The following NTRK1 variants were observed in gnomAD, a reference collection of about 807,000 sequenced individuals.
The protein encoded by NTRK1 is neurotrophic receptor tyrosine kinase 1.
A neutral mutation model predicts 86.8 loss-of-function variants in NTRK1; 62 were observed. The observed-to-expected ratio is 0.71, with a 90% confidence interval of 0.58 to 0.88. The LOEUF is 0.88. Ranked by LOEUF, NTRK1 falls within the 40% of genes least tolerant of loss-of-function variation. The probability of loss-of-function intolerance (pLI) is 0.00; values close to 1 mark genes in which losing one functional copy is unlikely to be tolerated. For missense variants in NTRK1, 967 were observed against 1,078.4 expected, an observed-to-expected ratio of 0.90 and a Z score of 1.45; for synonymous variants, 469 against 456.6, an observed-to-expected ratio of 1.03 and a Z score of -0.35.
intron 1 of NTRK1, among the ~76,000 whole-genome samples, chr1:156,831,823 C>T (rs1321130981): frequency 6.6e-6 from 1 of 152,162 alleles, no homozygotes; most frequent in African/African-American, 2.4e-5. Flanking sequence ...AACTAGAGGG[C>T]TAGAAGGGAT....
At chr1:156,845,138 T>C in intron 2 of NTRK1, 1 of 1,612,056 alleles carries the variant, frequency 6.2e-7, no homozygotes. Context: ...GTGCGCCGCG[T>C]GGTTGCAGGC....
At chr1:156,875,312 T>A (rs544714336) in intron 11 of NTRK1, among the ~76,000 whole-genome samples, 2 of 151,970 alleles carry the variant, frequency 1.3e-5, no homozygotes, top group South Asian at 4.2e-4. Flanking sequence ...GGGGAGTTCT[T>A]TGGTGCCCAT....
In NTRK1 at chr1:156,873,897, C is replaced by T. The variant is rs2102906175; in HGVS notation, c.1115C>T (p.Ala372Val). The T allele has an allele frequency of 6.3e-7, 1 of 1,576,768 alleles. No homozygotes were observed. Among genetic ancestry groups the T allele is most frequent in the Non-Finnish European group, 8.6e-7 (1 of 1,160,394 alleles). The change falls in exon 8 of 17, where the codon GCC (alanine) becomes GTC (valine). Residue 372 changes from alanine to valine, a missense_variant. Around this residue, in one of 2 missense-constraint regions of NTRK1, gnomAD observed 637 missense variants for 776.5 expected, o/e 0.82. Coordinates refer to ENST00000524377, the MANE Select transcript of NTRK1 (RefSeq NM_002529.4). ...GCCAACCCCTTCGGCCAGGCCTCCGCCTCCATCATGGCTGCCTTCATGGAC... is the reference window on the plus strand; with the variant it reads ...GCCAACCCCTTCGGCCAGGCCTCCGTCTCCATCATGGCTGCCTTCATGGAC... ...LAANPFGQAS[A>V]SIMAAFMDNP... is the part of the protein sequence containing the mutation.
intron 12 of NTRK1, 122 bp from the exon 13 acceptor site, chr1:156,875,958 C>A (rs1024627856): frequency 6.8e-7 from 1 of 1,460,266 alleles, no homozygotes; most frequent in Non-Finnish European, 9.6e-7. Context: ...TGAATTTTAG[C>A]CCCCATGCAG....
chr1:156,842,471 G>GT, intron 2 of NTRK1: 1 of 1,614,122 alleles, frequency 6.2e-7, no homozygotes. Flanking sequence ...GATGACCAGA[G>GT]TTGGCTGGCC....
At chr1:156,826,245 G>A (rs982228392) in intron 1 of NTRK1, among the ~76,000 whole-genome samples, 1 of 138,384 alleles carries the variant, frequency 7.2e-6, no homozygotes, top group Non-Finnish European at 1.6e-5. Flanking sequence ...TTGGTTTGTT[G>A]TTTTAAGAGC....
intron 15 of NTRK1, 99 bp downstream of exon 15, chr1:156,879,461 A>G: frequency 1.4e-6 from 2 of 1,465,244 alleles, no homozygotes; most frequent in Non-Finnish European, 1.8e-6. Context: ...GGATGGCTGC[A>G]TGGGTCTGAG....
chr1:156,875,362 G>A (rs899568029), intron 11 of NTRK1, among the ~76,000 whole-genome samples, 158 bp from the exon 12 acceptor site: 6 of 152,050 alleles, frequency 3.9e-5, no homozygotes, highest in Non-Finnish European at 8.8e-5. Context: ...AGGGAGAGGC[G>A]GTGGTGCCCC....
In NTRK1 at chr1:156,841,150, C is replaced by G. The variant is rs1276805534; in HGVS notation, c.-63-931C>G. Reference sequence around the variant, plus strand: ...GGTCAGAGGCATCCGGGAGCCCCTGCCACGCTCTCAGCCTCCTGCACTGAG... The same window carrying G: ...GGTCAGAGGCATCCGGGAGCCCCTGGCACGCTCTCAGCCTCCTGCACTGAG... On this transcript the variant is annotated intron_variant, in intron 1 of 16. Transcript: ENST00000392302. 4 of 1,427,332 alleles carry G rather than the reference C, an allele frequency of 2.8e-6. No individual in the cohort carries two copies. In the East Asian group the frequency reaches 9.9e-5, roughly 35 times the overall value. 88.4% of individuals were successfully genotyped at this position (1,427,332 alleles called of 1,614,324 possible).
chr1:156,850,298 G>A (rs1655156271), intron 2 of NTRK1, among the ~76,000 whole-genome samples: 1 of 152,102 alleles, frequency 6.6e-6, no homozygotes, highest in Admixed American at 6.5e-5. Context: ...TGTAACCCCT[G>A]TCTCCCAGGT....
At chr1:156,825,522 G>C (rs935266581) in intron 1 of NTRK1, among the ~76,000 whole-genome samples, 1 of 152,170 alleles carries the variant, frequency 6.6e-6, no homozygotes, top group African/African-American at 2.4e-5. Context: ...TCTGCTTTCA[G>C]GGAACAAAAC....
At chr1:156,846,648 T>A (rs1571663022) in intron 2 of NTRK1, 1 of 1,614,114 alleles carries the variant, frequency 6.2e-7, no homozygotes, top group Non-Finnish European at 8.5e-7. Flanking sequence ...GAGGCTAGGG[T>A]CACCCCTGGC....
intron 16 of NTRK1, 38 bp downstream of exon 16, chr1:156,880,195 C>T (rs200468347): frequency 1.8e-4 from 290 of 1,607,196 alleles, no homozygotes; most frequent in Non-Finnish European, 2.3e-4. Context: ...GCTGGCCTCC[C>T]CGTCCCATGC....
chr1:156,816,727 G>A (rs1279086246), intron 1 of NTRK1: 2 of 1,591,504 alleles, frequency 1.3e-6, no homozygotes, highest in East Asian at 2.3e-5. Context: ...CCTCACAAGG[G>A]ATCCCAGAGC....
In NTRK1 at chr1:156,871,587, G is replaced by T. The variant is rs192738567; in HGVS notation, c.718-36G>T. ...CAGCCCCAGCCCCAAGCTGGCTAAA[G>T]CTCCTTCTTATTCCCCCCTCTCTTT... On this transcript the variant is annotated intron_variant, in intron 6 of 16. Coordinates refer to ENST00000524377, the MANE Select transcript of NTRK1 (RefSeq NM_002529.4). The T allele has an allele frequency of 9.7e-5, 157 of 1,613,488 alleles. 1 individual carries two copies. The East Asian group carries it at 3.5e-3, about 36-fold the overall frequency.
At position 156,841,154 on chromosome 1, in the gene NTRK1, G is replaced by T. The variant is rs368316284; in HGVS notation, c.-63-927G>T. The T allele has an allele frequency of 5.1e-6, 7 of 1,381,792 alleles. No homozygotes were observed. In the African/African-American group the frequency reaches 7.2e-5, roughly 14 times the overall value. The allele number at this position is 1,381,792 out of a possible 1,614,324, so 85.6% of individuals were successfully genotyped here. On this transcript the variant is annotated intron_variant, in intron 1 of 16. Coordinates refer to the NTRK1 transcript ENST00000392302. ...AGAGGCATCCGGGAGCCCCTGCCAC[G>T]CTCTCAGCCTCCTGCACTGAGGGTC...
Position 156,864,395 on chromosome 1 carries a change from G to T in NTRK1, c.254G>T (p.Arg85Leu), listed in dbSNP as rs79678945. 27 of 1,614,146 alleles carry T rather than the reference G, an allele frequency of 1.7e-5. No homozygotes were observed. The South Asian group carries it at 2.6e-4, about 16-fold the overall frequency. The change falls in exon 2 of 17, where the codon CGT becomes CTT. Residue 85 changes from arginine to leucine, a missense_variant. Arg to Leu is a moderately radical substitution (Grantham distance 102, BLOSUM62 -2). This residue lies in a region of NTRK1 where 330 missense variants were observed against 302.0 expected (regional missense o/e 1.09). Transcript: ENST00000524377. The part of the protein sequence containing the change: ...NQQHLQHLEL[R>L]DLRGLGELRN... The stretch of plus-strand genomic sequence containing the variant: ...CAGCATCTGCAGCATCTGGAGCTCC[G>T]TGATCTGAGGGGCCTGGGGGAGCTG...
intron 10 of NTRK1, 69 bp from the exon 11 acceptor site, chr1:156,874,837 G>A (rs1647797056): frequency 7.7e-7 from 1 of 1,291,774 alleles, no homozygotes; most frequent in Admixed American, 1.7e-5. Context: ...ATGAAAAAAT[G>A]GCTTACTACA....
Position 156,874,895 on chromosome 1 carries a change from TC to T in NTRK1, c.1252-6del. ...GAGCCCCTGGATCTAACTACCCCTG[TC>T]CCCCACCAGGTCTCGGTGGCTGTGG... On this transcript the variant is annotated splice_polypyrimidine_tract_variant and intron_variant, in intron 10 of 16. Coordinates refer to ENST00000524377, the MANE Select transcript of NTRK1 (RefSeq NM_002529.4). The T allele has an allele frequency of 6.3e-7, 1 of 1,591,238 alleles. No homozygotes were observed. The highest frequency in any genetic ancestry group is 8.6e-7 in the Non-Finnish European group (1 of 1,160,698).
Sources: gnomAD v4.1 joint callset for allele counts (sites outside exome capture counted in the v4.1 genomes callset) on GRCh38, gnomAD v4.1.1 for gene constraint, gnomAD v4.1.1 regional missense constraint, MANE v1.5 for transcripts, NCBI Gene and HGNC (gene_info 2026-07-23, HGNC 2026-07-21) for gene names.